The following NRXN1 variants were observed in gnomAD, a reference collection of about 807,000 sequenced individuals.
NRXN1 encodes neurexin 1.
NRXN1 carries 39 observed loss-of-function variants against 150.9 expected under a neutral mutation model. The observed-to-expected ratio is 0.26, with a 90% confidence interval of 0.20 to 0.34. The LOEUF is 0.34. NRXN1 is among the 10% of genes least tolerant of loss of function. The pLI, the probability that NRXN1 is intolerant of heterozygous loss-of-function variation, is 1.00. For missense variants in NRXN1, 1,815 were observed against 1,949.9 expected, an observed-to-expected ratio of 0.93 and a Z score of 1.30; for synonymous variants, 924 against 757.0, an observed-to-expected ratio of 1.22 and a Z score of -3.62.
chr2:50,185,314 A>C (rs2060994537), intron 18 of NRXN1, among the ~76,000 whole-genome samples: 1 of 152,090 alleles, frequency 6.6e-6, no homozygotes, highest in Non-Finnish European at 1.5e-5. Flanking sequence ...GGTGTTTAAG[A>C]GCACAAACTC....
At chr2:50,064,494 A>G (rs566275009) in intron 19 of NRXN1, among the ~76,000 whole-genome samples, 1 of 150,788 alleles carries the variant, frequency 6.6e-6, no homozygotes, top group Non-Finnish European at 1.5e-5. Flanking sequence ...GGTCAGGGGG[A>G]AATTTCTGCA....
chr2:50,629,932 T>TA (rs35485307), intron 5 of NRXN1, among the ~76,000 whole-genome samples: 90,491 of 151,228 alleles, frequency 0.6, 27,254 homozygotes, highest in East Asian at 0.74. Flanking sequence ...AATGGATTGA[T>TA]TCAAGATGAA....
At chr2:50,315,834 C>T (rs957929833) in intron 17 of NRXN1, among the ~76,000 whole-genome samples, 2 of 152,060 alleles carry the variant, frequency 1.3e-5, no homozygotes, top group Non-Finnish European at 2.9e-5. Flanking sequence ...ATTGTGGAAG[C>T]ACAAGAATAG....
intron 5 of NRXN1, among the ~76,000 whole-genome samples, chr2:50,679,828 C>G (rs1055258316): frequency 2.2e-4 from 34 of 151,992 alleles, no homozygotes; most frequent in Non-Finnish European, 7.4e-5. Flanking sequence ...TACCTCTAAA[C>G]ATCACCTCAA....
rs1352502513 is a variant in NRXN1, at chr2:49,921,942, G to T, written c.*2C>A. 2 of 1,613,542 alleles carry T rather than the reference G, an allele frequency of 1.2e-6. No homozygotes were observed. The highest frequency in any genetic ancestry group is 1.7e-6 in the Non-Finnish European group (2 of 1,179,650). The stretch of plus-strand genomic sequence containing the variant: ...TACAAGTGTCCATTTAAGATCTTGG[G>T]ATCAGACATAATACTCTTTATCCTT... On this transcript the variant is annotated 3_prime_UTR_variant, in exon 23 of 23. Coordinates refer to ENST00000401669, the MANE Select transcript of NRXN1 (RefSeq NM_001330078.2).
At chr2:50,327,423 A>G (rs2076457458) in intron 17 of NRXN1, among the ~76,000 whole-genome samples, 1 of 152,214 alleles carries the variant, frequency 6.6e-6, no homozygotes, top group South Asian at 2.1e-4. Context: ...TCCTAGAATT[A>G]CAGAAATGCC....
At chr2:49,941,993 T>G (rs900859343) in intron 22 of NRXN1, among the ~76,000 whole-genome samples, 18 of 152,088 alleles carry the variant, frequency 1.2e-4, no homozygotes, top group Non-Finnish European at 2.1e-4. Flanking sequence ...AATGACTTTT[T>G]TTGTTGTTGT....
At position 50,441,346 on chromosome 2, in the gene NRXN1, A is replaced by T. The variant is rs1009296989; in HGVS notation, c.3364+24096T>A. On this transcript the variant is annotated intron_variant, in intron 17 of 22. Coordinates refer to ENST00000401669, the MANE Select transcript of NRXN1 (RefSeq NM_001330078.2). ...CTTCTTCTTCCTCTTTTTAAAATTA[A>T]TTTATTTAAAAAGAAGGATCTGGGT... 4.6e-5 allele frequency among the ~76,000 whole-genome samples: 7 copies of T among 152,184 alleles called. No individual in the cohort carries two copies. The East Asian group carries it at 5.8e-4, about 13-fold the overall frequency.
chr2:50,227,992 C>A (rs1438262295), intron 18 of NRXN1, among the ~76,000 whole-genome samples: 1 of 151,884 alleles, frequency 6.6e-6, no homozygotes, highest in Non-Finnish European at 1.5e-5. Context: ...GTAGATATAA[C>A]AAAATATAAA....
At chr2:50,043,473 G>T (rs979398358) in intron 21 of NRXN1, among the ~76,000 whole-genome samples, 1 of 152,226 alleles carries the variant, frequency 6.6e-6, no homozygotes, top group South Asian at 2.1e-4. Flanking sequence ...GGATATTAAT[G>T]GGTCCTTTTC....
chr2:49,979,811 C>A (rs1199568906), intron 21 of NRXN1, among the ~76,000 whole-genome samples: 1 of 151,664 alleles, frequency 6.6e-6, no homozygotes, highest in Admixed American at 6.6e-5. Flanking sequence ...TTCCTATTAA[C>A]TATTAATTTA....
intron 5 of NRXN1, among the ~76,000 whole-genome samples, chr2:50,722,193 G>A (rs943767398): frequency 6.6e-6 from 1 of 151,972 alleles, no homozygotes; most frequent in Non-Finnish European, 1.5e-5. Flanking sequence ...ATCATTTACT[G>A]CATTATTTCT....
chr2:50,473,586 T>TTTCA (rs1208886208), intron 15 of NRXN1, among the ~76,000 whole-genome samples: 1 of 152,042 alleles, frequency 6.6e-6, no homozygotes, highest in African/African-American at 2.4e-5. Context: ...CAACTTTCAT[T>TTTCA]TTCATTTGAA....
chr2:50,334,334 A>T (rs2077047882), intron 17 of NRXN1, among the ~76,000 whole-genome samples: 1 of 151,856 alleles, frequency 6.6e-6, no homozygotes, highest in East Asian at 1.9e-4. Flanking sequence ...TTACTAACAA[A>T]AATTGAATTA....
At chr2:50,696,350 T>C (rs995787563) in intron 5 of NRXN1, 9 of 152,632 alleles carry the variant, frequency 5.9e-5, no homozygotes, top group Non-Finnish European at 1.3e-4. Flanking sequence ...GACAGTGTTA[T>C]AAATCTCCTT....
rs1488321830 is a variant in NRXN1 at position 50,346,900 on chromosome 2, C to CCGA, written c.3365-109931_3365-109930insTCG. 46 of 1,296,386 alleles carry CCGA rather than the reference C, an allele frequency of 3.5e-5. No individual in the cohort carries two copies. The highest frequency in any genetic ancestry group is 7.5e-5 in the South Asian group (3 of 39,772). 80.3% of individuals were successfully genotyped at this position (1,296,386 alleles called of 1,614,324 possible). ...GCCGCCGCCGCCGCCGCCGCCGCCG[C>CCGA]CCCCGGGCGAGCCCAGCTCGGCGCC... On this transcript the variant is annotated intron_variant, in intron 17 of 22. Coordinates refer to ENST00000401669, the MANE Select transcript of NRXN1 (RefSeq NM_001330078.2). This position sits in a 1 kb window ranked among gnomAD's most constrained non-coding sequence, Gnocchi z 5.0.
chr2:50,172,966 C>A (rs2060122079), intron 18 of NRXN1, among the ~76,000 whole-genome samples: 1 of 151,792 alleles, frequency 6.6e-6, no homozygotes, highest in Non-Finnish European at 1.5e-5. Context: ...GACTCCGTCT[C>A]AAAAAAATAA....
Position 50,522,719 on chromosome 2 carries a change from C to CCTTTTTTTTTTTTTTTTTTT in NRXN1, c.2374+5905_2374+5906insAAAAAAAAAAAAAAAAAAAG, listed in dbSNP as rs1323306682. 3.2e-4 allele frequency among the ~76,000 whole-genome samples: 28 copies of CCTTTTTTTTTTTTTTTTTTT among 86,558 alleles called. 13 individuals carry two copies. The highest frequency in any genetic ancestry group is 8.3e-4 in the African/African-American group (14 of 16,774). The allele number at this position is 86,558 out of a possible 152,430, so 56.8% of individuals were successfully genotyped here. A position where few individuals can be genotyped will look rare whatever the true frequency, so the allele number is the denominator to read the frequency against. On this transcript the variant is annotated intron_variant, in intron 12 of 22. Transcript: ENST00000401669. ...TTCCATTTATTCATTTATTTTTATT[C>CCTTTTTTTTTTTTTTTTTTT]ATTTTTTTTTTTTTTTTTTTTTTTT... is the stretch of plus-strand genomic sequence containing the variant.
rs971388108 is a variant in NRXN1 at position 50,347,966 on chromosome 2, C to A, written c.3365-110996G>T. 2.6e-5 allele frequency among the ~76,000 whole-genome samples: 4 copies of A among 152,122 alleles called. No homozygotes were observed. Among genetic ancestry groups the A allele is most frequent in the Non-Finnish European group, 4.4e-5 (3 of 68,012 alleles). ...GGACACGTGTAAGGCGAAACGGGAA[C>A]ACCTAAAAAGCAACTCTCCCTCCAC... On this transcript the variant is annotated intron_variant, in intron 17 of 22. Coordinates refer to ENST00000401669, the MANE Select transcript of NRXN1 (RefSeq NM_001330078.2). The surrounding 1 kb of genome is among the most constrained non-coding windows in gnomAD (Gnocchi z 4.9).
Sources: allele counts gnomAD v4.1 joint callset (sites outside exome capture counted in the v4.1 genomes callset), GRCh38; gene constraint gnomAD v4.1.1; non-coding constraint Gnocchi (gnomAD v3.1); transcripts MANE v1.5; gene names NCBI Gene and HGNC (gene_info 2026-07-23, HGNC 2026-07-21).